Variants in CCDC80 observed in about 807,000 individuals in gnomAD.
CCDC80 encodes the protein coiled-coil domain containing 80, also known as coiled-coil domain-containing protein 80.
A neutral mutation model predicts 78.7 loss-of-function variants in CCDC80; 49 were observed. The ratio of observed to expected loss-of-function variants is 0.62; its 90% confidence interval spans 0.50 to 0.79. The LOEUF is 0.79. Among genes scored for constraint, CCDC80 ranks in the 30% least tolerant of loss-of-function variants. The probability of loss-of-function intolerance (pLI) is 0.00; values close to 1 mark genes in which losing one functional copy is unlikely to be tolerated. For synonymous variants in CCDC80, 488 were observed against 447.0 expected (o/e 1.09, Z -1.16); for missense variants, 1,205 against 1,198.6 (o/e 1.01, Z -0.08).
intron 4 of CCDC80, 64 bp from the exon 5 acceptor site, chr3:112,616,922 T>C: frequency 6.5e-7 from 1 of 1,537,694 alleles, no homozygotes; most frequent in Non-Finnish European, 8.9e-7. Context: ...ATTCAGAGGA[T>C]AGAGAACCTG....
intron 5 of CCDC80, 23 bp from the exon 6 acceptor site, chr3:112,610,104 C>T (rs1935594944): frequency 6.3e-7 from 1 of 1,577,082 alleles, no homozygotes; most frequent in East Asian, 2.2e-5. Flanking sequence ...AGCAGGACAC[C>T]ATTACTGCTT....
rs1296587669 is a variant in CCDC80, at chr3:112,639,540, C to T, written c.366G>A (p.Gly122=). The T allele has an allele frequency of 4.3e-6, 7 of 1,614,152 alleles. No individual in the cohort carries two copies. Among genetic ancestry groups the T allele is most frequent in the Middle Eastern group, 1.6e-4 (1 of 6,062 alleles). The change falls in exon 2 of 8, where the codon GGG becomes GGA. Residue 122 remains glycine, a synonymous_variant. Coordinates refer to ENST00000206423, the MANE Select transcript of CCDC80 (RefSeq NM_199511.3). ...GSPREMIRDE[G]SSARSRMLRF... ...GCAACATTCTTGACCGAGCTGAGGA[C>T]CCCTCATCTCTGATCATCTCACGCG...
In CCDC80 at chr3:112,616,825, C is replaced by T; in HGVS notation, c.2206G>A (p.Val736Met). 6.2e-7 allele frequency: 1 copy of T among 1,614,052 alleles called. No homozygotes were observed. The highest frequency in any genetic ancestry group is 1.7e-5 in the Admixed American group (1 of 60,022). Residue 736 changes from valine to methionine, a missense_variant, in exon 5 of 8, where the codon GTG becomes ATG. Transcript: ENST00000206423. ...TGGAAAGTATCGATCAGATCAAACA[C>T]AGACTTCATTGTTATTGGTACCTCA... is the stretch of plus-strand genomic sequence containing the variant. ...YYEVPITMKSVFDLIDTFQSR... is the reference protein window; with the variant it reads ...YYEVPITMKSMFDLIDTFQSR...
At chr3:112,640,179 C>T in intron 1 of CCDC80, 148 bp downstream of exon 1, 2 of 471,092 alleles carry the variant, frequency 4.2e-6, no homozygotes, top group South Asian at 5.9e-5. Flanking sequence ...AGTCAGCATG[C>T]TTGTACTGTT....
chr3:112,636,942 G>T (rs1936219627), intron 2 of CCDC80, among the ~76,000 whole-genome samples: 1 of 152,128 alleles, frequency 6.6e-6, no homozygotes, highest in African/African-American at 2.4e-5. Flanking sequence ...AAGATCCAGG[G>T]GTGGAAATTT....
chr3:112,597,974 G>A lies in CCDC80; in HGVS notation c.*7443C>T, dbSNP rs1383314814. ...ATAGAATAGTATAAATACAATAAATGTTTGAATTATCGTATAACTTGAGTC... is the reference window on the plus strand; with the variant it reads ...ATAGAATAGTATAAATACAATAAATATTTGAATTATCGTATAACTTGAGTC... On this transcript the variant is annotated 3_prime_UTR_variant, in exon 8 of 8. Coordinates refer to ENST00000206423, the MANE Select transcript of CCDC80 (RefSeq NM_199511.3). 2 of 152,182 alleles carry A rather than the reference G, an allele frequency of 1.3e-5. No individual in the cohort carries two copies. The highest frequency in any genetic ancestry group is 1.9e-4 in the East Asian group (1 of 5,192). The allele number at this position is 152,182 out of a possible 1,614,324, so 9.4% of individuals were successfully genotyped here.
rs1387326564 is a variant in CCDC80, at chr3:112,610,220, A to G, written c.2322-139T>C. ...AAAGAAAAAAACAGAGAACTGTCCC[A>G]TGCTTCTCAAAGCCATTAAACTGCA... is the stretch of plus-strand genomic sequence containing the variant. On this transcript the variant is annotated intron_variant, in intron 5 of 7. Coordinates refer to ENST00000206423, the MANE Select transcript of CCDC80 (RefSeq NM_199511.3). The G allele has an allele frequency of 5.6e-6, 4 of 716,364 alleles. No individual in the cohort carries two copies. In the South Asian group the frequency reaches 6.3e-5, roughly 11 times the overall value. The allele number at this position is 716,364 out of a possible 1,614,324, so 44.4% of individuals were successfully genotyped here. A position where few individuals can be genotyped will look rare whatever the true frequency, so the allele number is the denominator to read the frequency against.
intron 5 of CCDC80, among the ~76,000 whole-genome samples, chr3:112,612,240 T>G (rs1435137973): frequency 1.3e-5 from 2 of 152,084 alleles, no homozygotes; most frequent in Non-Finnish European, 2.9e-5. Flanking sequence ...TTAGGAGGCA[T>G]GCCAGACCAG....
Position 112,607,195 on chromosome 3 carries a change from T to TA in CCDC80, c.2486dup (p.Leu829PhefsTer7). The TA allele has an allele frequency of 6.2e-7, 1 of 1,613,562 alleles. No homozygotes were observed. Among genetic ancestry groups the TA allele is most frequent in the Non-Finnish European group, 8.5e-7 (1 of 1,179,506 alleles). On this transcript the variant is annotated frameshift_variant, in exon 7 of 8. Transcript: ENST00000206423. LOFTEE classifies it high-confidence loss of function. ...CATTACCATTAATTGGGAACAGTTC[T>TA]AACACTCCCCCAACTTCCTCTCCAA...
intron 5 of CCDC80, among the ~76,000 whole-genome samples, chr3:112,616,216 T>C (rs531695464): frequency 3.9e-5 from 6 of 152,222 alleles, no homozygotes; most frequent in African/African-American, 1.4e-4. Flanking sequence ...AGAGGATTTC[T>C]CCTTTTGAGG....
chr3:112,607,568 C>G (rs1017903890), intron 6 of CCDC80, among the ~76,000 whole-genome samples: 1 of 152,064 alleles, frequency 6.6e-6, no homozygotes, highest in African/African-American at 2.4e-5. Context: ...GGGCAGATCA[C>G]GAGGTCAGGA....
chr3:112,616,440 A>T (rs1162140279), intron 5 of CCDC80, among the ~76,000 whole-genome samples: 1 of 90,154 alleles, frequency 1.1e-5, no homozygotes, highest in Non-Finnish European at 2.1e-5. Context: ...AAGAGAAAAA[A>T]AAAGAAAAGA....
In CCDC80 at chr3:112,641,075, A is replaced by T. The variant is rs1936329934; in HGVS notation, c.-760T>A. The T allele has an allele frequency of 1.3e-5, 2 of 152,266 alleles. No homozygotes were observed. The highest frequency in any genetic ancestry group is 4.8e-5 in the African/African-American group (2 of 41,448). 9.4% of individuals were successfully genotyped at this position (152,266 alleles called of 1,614,324 possible). A position where few individuals can be genotyped will look rare whatever the true frequency, so the allele number is the denominator to read the frequency against. ...GGAAACTTCACTAAGAATTTAACAG[A>T]TCAGCAAAACACCGCCTCCTTCCCA... is the stretch of plus-strand genomic sequence containing the variant. On this transcript the variant is annotated 5_prime_UTR_variant, in exon 1 of 8. Transcript: ENST00000206423.
rs758260384 is a variant in CCDC80, at chr3:112,639,216, C to T, written c.690G>A (p.Lys230=). 3.1e-6 allele frequency: 5 copies of T among 1,614,182 alleles called. No individual in the cohort carries two copies. Among genetic ancestry groups the T allele is most frequent in the Admixed American group, 1.7e-5 (1 of 60,030 alleles). ...PKLMSFLKLE[K]GKFGMVLLKK... is the part of the protein sequence containing the mutation. ...TCAGCAGCACCATGCCAAACTTGCC[C>T]TTCTCCAGCTTCAGGAAGCTCATCA... is the stretch of plus-strand genomic sequence containing the variant. Residue 230 remains lysine (K), a synonymous_variant, in exon 2 of 8, where the codon AAG becomes AAA. Coordinates refer to ENST00000206423, the MANE Select transcript of CCDC80 (RefSeq NM_199511.3).
chr3:112,607,128 A>T, intron 7 of CCDC80, 48 bp downstream of exon 7: 1 of 1,378,080 alleles, frequency 7.3e-7, no homozygotes, highest in African/African-American at 1.4e-5. Context: ...ATGTAATTTA[A>T]CTGAACTTAA....
chr3:112,616,310 A>G (rs1412944484), intron 5 of CCDC80, among the ~76,000 whole-genome samples: 1 of 152,148 alleles, frequency 6.6e-6, no homozygotes, highest in Non-Finnish European at 1.5e-5. Flanking sequence ...GTTTGGAACC[A>G]GAAGGGGCCT....
intron 3 of CCDC80, among the ~76,000 whole-genome samples, chr3:112,621,113 C>A (rs546035026): frequency 6.6e-6 from 1 of 152,142 alleles, no homozygotes; most frequent in Non-Finnish European, 1.5e-5. Flanking sequence ...ATACCCTATA[C>A]CTATGCCCAG....
intron 5 of CCDC80, 75 bp downstream of exon 5, chr3:112,616,635 T>A (rs1935754606): frequency 6.5e-7 from 1 of 1,544,328 alleles, no homozygotes; most frequent in Admixed American, 1.7e-5. Context: ...GGGATCTGTG[T>A]TTCTTTGGCA....
chr3:112,638,154 C>A lies in CCDC80; in HGVS notation c.1752G>T (p.Lys584Asn). The A allele has an allele frequency of 6.2e-7, 1 of 1,613,812 alleles. No homozygotes were observed. Among genetic ancestry groups the A allele is most frequent in the Non-Finnish European group, 8.5e-7 (1 of 1,179,882 alleles). The change falls in exon 2 of 8, where the codon AAG becomes AAT. Residue 584 changes from lysine to asparagine, a missense_variant. By Grantham distance (94) the Lys-to-Asn change is moderately conservative (BLOSUM62 0). Coordinates refer to ENST00000206423, the MANE Select transcript of CCDC80 (RefSeq NM_199511.3). ...KKSKQEKEKS[K>N]KKKGGKTEQD... ...GTTCTGTTTTACCTCCTTTTTTCTTCTTGCTCTTCTCTTTCTCTTGCTTGC... is the reference window on the plus strand; with the variant it reads ...GTTCTGTTTTACCTCCTTTTTTCTTATTGCTCTTCTCTTTCTCTTGCTTGC...
Sources: gnomAD v4.1 joint callset for allele counts (sites outside exome capture counted in the v4.1 genomes callset) on GRCh38, gnomAD v4.1.1 for gene constraint, MANE v1.5 for transcripts, NCBI Gene and HGNC (gene_info 2026-07-23, HGNC 2026-07-21) for gene names.